MICU2: variants seen among roughly 807,000 people sequenced by gnomAD.
MICU2 encodes the protein mitochondrial calcium uptake 2, also known as calcium uptake protein 2, mitochondrial.
MICU2 carries 64 observed loss-of-function variants against 60.4 expected under a neutral mutation model. The observed-to-expected ratio is 1.06, with a 90% CI of 0.87 to 1.31. MICU2 has a LOEUF of 1.31. MICU2 is among the 50% of genes most tolerant of loss of function. The pLI is 0.00. For synonymous variants in MICU2, 201 were observed against 175.0 expected (o/e 1.15, Z -1.17); for missense variants, 569 against 531.0 (o/e 1.07, Z -0.70).
At chr13:21,524,381 T>C (rs1383369388) in intron 4 of MICU2, among the ~76,000 whole-genome samples, 1 of 152,150 alleles carries the variant, frequency 6.6e-6, no homozygotes, top group African/African-American at 2.4e-5. Flanking sequence ...AACCCACATA[T>C]ACATATCATT....
chr13:21,596,844 A>G (rs910704294), intron 1 of MICU2, among the ~76,000 whole-genome samples: 2 of 152,194 alleles, frequency 1.3e-5, no homozygotes, highest in Non-Finnish European at 2.9e-5. Context: ...TGTTATATTT[A>G]TATCTTCAGT....
intron 4 of MICU2, among the ~76,000 whole-genome samples, chr13:21,534,398 G>A (rs527236382): frequency 5.9e-5 from 9 of 151,950 alleles, no homozygotes; most frequent in South Asian, 4.2e-4. Context: ...TGGAGATGGG[G>A]GTCTCCCTAT....
chr13:21,560,224 G>A (rs957567727), intron 2 of MICU2, among the ~76,000 whole-genome samples: 5 of 151,998 alleles, frequency 3.3e-5, no homozygotes, highest in African/African-American at 9.7e-5. Flanking sequence ...GCTTTTTGTG[G>A]CTTATTTAAG....
chr13:21,530,916 G>A, intron 4 of MICU2: 2 of 760,048 alleles, frequency 2.6e-6, no homozygotes, highest in South Asian at 1.4e-5. Context: ...TAGATCTAGT[G>A]CTGCAGAATG....
At chr13:21,554,523 A>G (rs1887653438) in intron 2 of MICU2, among the ~76,000 whole-genome samples, 1 of 152,214 alleles carries the variant, frequency 6.6e-6, no homozygotes, top group African/African-American at 2.4e-5. Context: ...TCTGGGACAC[A>G]TTCAAAGCAG....
chr13:21,523,509 T>A (rs1886777343), intron 4 of MICU2, among the ~76,000 whole-genome samples: 1 of 152,272 alleles, frequency 6.6e-6, no homozygotes, highest in Non-Finnish European at 1.5e-5. Context: ...AACGTAGTAA[T>A]TAGTTCTTTG....
intron 2 of MICU2, among the ~76,000 whole-genome samples, chr13:21,545,135 C>T (rs1466596836): frequency 6.6e-6 from 1 of 152,156 alleles, no homozygotes; most frequent in Non-Finnish European, 1.5e-5. Flanking sequence ...TGCATCTCCC[C>T]AGCATGTTTA....
intron 1 of MICU2, among the ~76,000 whole-genome samples, chr13:21,580,210 A>C (rs1458290223): frequency 6.6e-6 from 1 of 152,110 alleles, no homozygotes; most frequent in East Asian, 1.9e-4. Flanking sequence ...TAAAATTGTT[A>C]GCATTTGCCC....
chr13:21,603,899 G>A (rs752376519), intron 1 of MICU2, 40 bp downstream of exon 1: 4 of 1,602,272 alleles, frequency 2.5e-6, no homozygotes, highest in Admixed American at 1.7e-5. Context: ...AGGGGAGGGA[G>A]GAGCTTGACT....
chr13:21,530,771 C>T (rs1379555991), intron 4 of MICU2: 1 of 634,950 alleles, frequency 1.6e-6, no homozygotes, highest in Non-Finnish European at 2.8e-6. Context: ...ATACCCACCA[C>T]CGCCCCAGCA....
chr13:21,561,531 AC>A (rs1206013229), intron 2 of MICU2, among the ~76,000 whole-genome samples: 1 of 150,048 alleles, frequency 6.7e-6, no homozygotes, highest in Non-Finnish European at 1.5e-5. Context: ...TGGAGTACTC[AC>A]CCATTAAAAA....
chr13:21,602,471 G>A (rs933549437), intron 1 of MICU2, among the ~76,000 whole-genome samples: 8 of 152,114 alleles, frequency 5.3e-5, no homozygotes, highest in South Asian at 2.1e-4. Context: ...GCAGTAAGCC[G>A]AGATAGCGCC....
chr13:21,504,253 T>C (rs1026079689), intron 8 of MICU2, among the ~76,000 whole-genome samples: 2 of 152,184 alleles, frequency 1.3e-5, no homozygotes, highest in African/African-American at 4.8e-5. Context: ...CCCTGTATAC[T>C]GTAATGACAT....
At chr13:21,520,184 C>A (rs1593323494) in intron 6 of MICU2, among the ~76,000 whole-genome samples, 2 of 152,078 alleles carry the variant, frequency 1.3e-5, no homozygotes, top group Admixed American at 1.3e-4. Flanking sequence ...TTGTATGGAT[C>A]CTATTTGTTT....
intron 4 of MICU2, chr13:21,531,013 C>G: frequency 2.4e-6 from 2 of 820,568 alleles, no homozygotes; most frequent in Admixed American, 3.4e-5. Flanking sequence ...AATGAAAGTG[C>G]CTGCAACTAT....
intron 9 of MICU2, among the ~76,000 whole-genome samples, chr13:21,501,959 CA>C (rs1422786944): frequency 6.6e-6 from 1 of 152,140 alleles, no homozygotes; most frequent in Non-Finnish European, 1.5e-5. Flanking sequence ...CAGTGTCAGA[CA>C]GGGGGATTTC....
At chr13:21,543,307 G>A (rs1887328130) in intron 2 of MICU2, among the ~76,000 whole-genome samples, 2 of 152,050 alleles carry the variant, frequency 1.3e-5, no homozygotes, top group Admixed American at 1.3e-4. Flanking sequence ...ACATAGAACT[G>A]GAAGTCCTAG....
At position 21,603,990 on chromosome 13, in the gene MICU2, G is replaced by T. The variant is rs1234845014; in HGVS notation, c.159C>A (p.His53Gln). ...ALAGAGAAWH[H>Q]SRVSVAARDG... is the part of the protein sequence containing the mutation. ...CCCGCGCCGCAACACTGACGCGGCT[G>T]TGGTGCCAGGCCGCTCCTGCTCCTG... Residue 53 changes from histidine to glutamine, a missense_variant, in exon 1 of 12, where the codon CAC becomes CAA. Coordinates refer to ENST00000382374, the MANE Select transcript of MICU2 (RefSeq NM_152726.3). The T allele has an allele frequency of 1.2e-6, 2 of 1,611,900 alleles. No individual in the cohort carries two copies. The highest frequency in any genetic ancestry group is 1.7e-6 in the Non-Finnish European group (2 of 1,179,588).
intron 9 of MICU2, 120 bp from the exon 10 acceptor site, chr13:21,496,280 C>T: frequency 1.4e-6 from 1 of 722,524 alleles, no homozygotes. Context: ...GAAGAGACAA[C>T]AGAGCTTTCT....
Sources: gnomAD v4.1 joint callset for allele counts (sites outside exome capture counted in the v4.1 genomes callset) on GRCh38, gnomAD v4.1.1 for gene constraint, MANE v1.5 for transcripts, NCBI Gene and HGNC (gene_info 2026-07-23, HGNC 2026-07-21) for gene names.